NUGGC: variants seen among roughly 807,000 people sequenced by gnomAD.
The protein encoded by NUGGC is nuclear GTPase SLIP-GC.
In NUGGC, 58 loss-of-function variants were observed where a neutral mutation model predicts 92.6. The ratio of observed to expected loss-of-function variants is 0.63; its 90% CI spans 0.51 to 0.78. The LOEUF is 0.78. NUGGC is among the 30% of genes least tolerant of loss of function. The pLI, the probability that NUGGC is intolerant of heterozygous loss-of-function variation, is 0.00. For missense variants in NUGGC, 925 were observed against 964.6 expected (o/e 0.96, Z 0.54); for synonymous variants, 376 against 366.4 (o/e 1.03, Z -0.30).
chr8:28,060,561 A>G lies in NUGGC; in HGVS notation c.962T>C (p.Ile321Thr). Reference sequence around the variant, plus strand: ...GGCTTGCCCCCCAGAAACTCGCTCTATGTCGCTGATCACCCAGATCACTGA... The same window carrying G: ...GGCTTGCCCCCCAGAAACTCGCTCTGTGTCGCTGATCACCCAGATCACTGA... ...KCSVIWVISD[I>T]ERVSGGQAHE... Residue 321 changes from isoleucine (I) to threonine (T), a missense_variant, in exon 8 of 19, where the codon ATA becomes ACA. Ile to Thr is a moderately conservative substitution (Grantham distance 89). Transcript: ENST00000413272. 3 of 1,613,466 alleles carry G rather than the reference A, an allele frequency of 1.9e-6. No homozygotes were observed. Among genetic ancestry groups the G allele is most frequent in the Non-Finnish European group, 2.5e-6 (3 of 1,179,728 alleles).
chr8:28,060,481 C>G lies in NUGGC; in HGVS notation c.1042G>C (p.Asp348His). The change falls in exon 8 of 19, where the codon GAC becomes CAC. Residue 348 changes from aspartate (D) to histidine (H), a missense_variant. Asp to His is a moderately conservative substitution (Grantham distance 81, BLOSUM62 -1). Coordinates refer to ENST00000413272, the MANE Select transcript of NUGGC (RefSeq NM_001010906.2). ...ATCTTGGTGACCACCAGGGCCACGTCCCTACAGAAGCCCCGCTGGCAGGCT... is the reference window on the plus strand; with the variant it reads ...ATCTTGGTGACCACCAGGGCCACGTGCCTACAGAAGCCCCGCTGGCAGGCT... Reference protein sequence around the residue: ...IKACQRGFCRDVALVVTKMDK... With the variant: ...IKACQRGFCRHVALVVTKMDK... The G allele has an allele frequency of 6.2e-7, 1 of 1,613,922 alleles. No individual in the cohort carries two copies. The highest frequency in any genetic ancestry group is 8.5e-7 in the Non-Finnish European group (1 of 1,179,868).
At chr8:28,024,459 T>A (rs1168042325) in intron 18 of NUGGC, among the ~76,000 whole-genome samples, 1 of 152,116 alleles carries the variant, frequency 6.6e-6, no homozygotes, top group African/African-American at 2.4e-5. Flanking sequence ...CCTCCCTGCA[T>A]CAGATTTTGG....
Position 28,068,333 on chromosome 8 carries a change from G to T in NUGGC, c.363C>A (p.Ile121=), listed in dbSNP as rs761286015. The change falls in exon 5 of 19, where the codon ATC becomes ATA. Residue 121 remains isoleucine (I), a synonymous_variant. Coordinates refer to ENST00000413272, the MANE Select transcript of NUGGC (RefSeq NM_001010906.2). ...ACACTGGTAGAAACATTGCTTGCTGGATGATGGCATTGATCAGGGAGCTCT... is the reference window on the plus strand; with the variant it reads ...ACACTGGTAGAAACATTGCTTGCTGTATGATGGCATTGATCAGGGAGCTCT... ...AGKSSLINAI[I]QQAMFLPVSG... The T allele has an allele frequency of 6.4e-7, 1 of 1,566,592 alleles. No homozygotes were observed. Among genetic ancestry groups the T allele is most frequent in the South Asian group, 1.2e-5 (1 of 84,848 alleles).
rs757038145 is a variant in NUGGC, at chr8:28,023,457, C to T, written c.2251G>A (p.Gly751Arg). 9.9e-6 allele frequency: 16 copies of T among 1,613,300 alleles called. No homozygotes were observed. The East Asian group carries it at 1.3e-4, about 13-fold the overall frequency. ...TTCTCCATCTCCTTGTATTCACTCC[C>T]GACATCTACAGGAGAGCAGAAAGCT... is the stretch of plus-strand genomic sequence containing the variant. The part of the protein sequence containing the change: ...DGLYKELADV[G>R]SEYKEMEKLH... Residue 751 changes from glycine (G) to arginine (R), a missense_variant, in exon 19 of 19, where the codon GGG becomes AGG. By Grantham distance (125) the Gly-to-Arg change is moderately radical (BLOSUM62 -2). Transcript: ENST00000413272.
chr8:28,047,869 G>A (rs1008424072), intron 10 of NUGGC, among the ~76,000 whole-genome samples: 8 of 152,198 alleles, frequency 5.3e-5, no homozygotes, highest in African/African-American at 9.7e-5. Context: ...AAGAAAATGT[G>A]TAGAGAAAAT....
At chr8:28,045,426 A>G in intron 12 of NUGGC, 101 bp downstream of exon 12, 3 of 1,155,264 alleles carry the variant, frequency 2.6e-6, no homozygotes, top group African/African-American at 3.1e-5. Flanking sequence ...TCTTCCTTTA[A>G]TATGAAAAGA....
intron 2 of NUGGC, among the ~76,000 whole-genome samples, chr8:28,072,858 G>A (rs994429174): frequency 3.3e-5 from 5 of 151,892 alleles, no homozygotes; most frequent in South Asian, 4.2e-4. Context: ...ATTCTCCACC[G>A]AGAAACCAGC....
In NUGGC at chr8:28,023,389, C is replaced by T; in HGVS notation, c.2319G>A (p.Leu773=). ...GGAGGAATTCTTGCATGCCCTTCCT[C>T]AGCCGTGCATTCTCCGCGACCTCCC... ...SLREVAENAR[L]RKGMQEFLLR... Residue 773 remains leucine (L), a synonymous_variant, in exon 19 of 19, where the codon CTG becomes CTA. Coordinates refer to ENST00000413272, the MANE Select transcript of NUGGC (RefSeq NM_001010906.2). 1.9e-6 allele frequency: 3 copies of T among 1,614,022 alleles called. No homozygotes were observed. The South Asian group carries it at 3.3e-5, about 18-fold the overall frequency.
At chr8:28,049,621 C>T (rs3857876) in intron 10 of NUGGC, among the ~76,000 whole-genome samples, 77,957 of 152,100 alleles carry the variant, frequency 0.51, 21,490 homozygotes, top group African/African-American at 0.7. Context: ...GAAACAGCTA[C>T]AGCTAGAGGT....
intron 1 of NUGGC, among the ~76,000 whole-genome samples, chr8:28,077,657 A>T (rs529942588): frequency 3.9e-5 from 6 of 152,236 alleles, no homozygotes; most frequent in African/African-American, 1.4e-4. Context: ...AGTAACTCGT[A>T]TGAAATGCTA....
chr8:28,025,312 A>C (rs907333586), intron 18 of NUGGC, among the ~76,000 whole-genome samples: 2 of 152,180 alleles, frequency 1.3e-5, no homozygotes, highest in Non-Finnish European at 2.9e-5. Flanking sequence ...CCCTGACATG[A>C]TGTATATTTG....
At position 28,064,733 on chromosome 8, in the gene NUGGC, TGAA is replaced by T. The variant is rs762697737; in HGVS notation, c.712-5_712-3del. On this transcript the variant is annotated splice_region_variant and splice_polypyrimidine_tract_variant and intron_variant, in intron 6 of 18. Transcript: ENST00000413272. ...CAGCTTGATGGACAGCTCTTCTGCC[TGAA>T]GAAGGAGGACAGAGTCACACACACC... 1.4e-5 allele frequency: 23 copies of T among 1,612,814 alleles called. No individual in the cohort carries two copies. The highest frequency in any genetic ancestry group is 1.9e-5 in the Non-Finnish European group (22 of 1,178,938).
rs754775035 is a variant in NUGGC at position 28,068,201 on chromosome 8, G to A, written c.480+15C>T. The A allele has an allele frequency of 7.9e-5, 114 of 1,449,330 alleles. 1 individual carries two copies. The highest frequency in any genetic ancestry group is 8.8e-5 in the Non-Finnish European group (93 of 1,057,812). 89.8% of individuals were successfully genotyped at this position (1,449,330 alleles called of 1,614,324 possible). ...GGAAGGAAGGGAAGGAAGGAGGGAG[G>A]AAGGGAACACTTACCTGGTCAGACA... On this transcript the variant is annotated intron_variant, in intron 5 of 18. Coordinates refer to ENST00000413272, the MANE Select transcript of NUGGC (RefSeq NM_001010906.2).
intron 17 of NUGGC, among the ~76,000 whole-genome samples, 155 bp downstream of exon 17, chr8:28,029,111 G>C (rs1161812475): frequency 6.6e-6 from 1 of 152,198 alleles, no homozygotes; most frequent in Admixed American, 6.5e-5. Flanking sequence ...GCACAAGAGA[G>C]TGTTGGAAGA....
At chr8:28,065,364 G>A (rs1197707230) in intron 6 of NUGGC, among the ~76,000 whole-genome samples, 1 of 152,094 alleles carries the variant, frequency 6.6e-6, no homozygotes, top group Non-Finnish European at 1.5e-5. Flanking sequence ...GTTTCACCAT[G>A]TTAGCCAGGA....
chr8:28,073,360 A>G (rs12335348), intron 2 of NUGGC, among the ~76,000 whole-genome samples: 14,473 of 151,758 alleles, frequency 0.095, 1,059 homozygotes, highest in African/African-American at 0.2. Context: ...CCTCTAGGCT[A>G]AGCTCAACTG....
intron 10 of NUGGC, among the ~76,000 whole-genome samples, chr8:28,051,544 G>A (rs936438434): frequency 1.3e-5 from 2 of 152,182 alleles, no homozygotes; most frequent in African/African-American, 4.8e-5. Context: ...CTTAGTAGGG[G>A]CACAAAAATC....
At chr8:28,044,620 C>G (rs1054963132) in intron 12 of NUGGC, among the ~76,000 whole-genome samples, 1 of 152,200 alleles carries the variant, frequency 6.6e-6, no homozygotes, top group Non-Finnish European at 1.5e-5. Context: ...CAAGTCCCGG[C>G]CATCTGGTGC....
Position 28,068,232 on chromosome 8 carries a change from T to C in NUGGC, c.464A>G (p.His155Arg), listed in dbSNP as rs1438199180. Residue 155 changes from histidine to arginine, a missense_variant, in exon 5 of 19, where the codon CAC becomes CGC. Transcript: ENST00000413272. ...AACACTTACCTGGTCAGACAGAAGG[T>C]GGATTTTGGCCTCATACTGCACACA... ...GCCVQYEAKIHLLSDQEWREE... is the reference protein window; with the variant it reads ...GCCVQYEAKIRLLSDQEWREE... 6.5e-7 allele frequency: 1 copy of C among 1,548,336 alleles called. No individual in the cohort carries two copies. The highest frequency in any genetic ancestry group is 2.0e-5 in the Admixed American group (1 of 50,960).
Sources: gnomAD v4.1 joint callset for allele counts (sites outside exome capture counted in the v4.1 genomes callset) on GRCh38, gnomAD v4.1.1 for gene constraint, MANE v1.5 for transcripts, NCBI Gene and HGNC (gene_info 2026-07-23, HGNC 2026-07-21) for gene names.